Variants in ADAMTS12 observed in about 807,000 individuals in gnomAD.
The protein encoded by ADAMTS12 is ADAM metallopeptidase with thrombospondin type 1 motif 12.
A neutral mutation model predicts 167.8 loss-of-function variants in ADAMTS12; 118 were observed. That is an observed-to-expected ratio of 0.70 (90% confidence interval 0.61 to 0.82). ADAMTS12 has a LOEUF of 0.82. ADAMTS12 is among the 40% of genes least tolerant of loss of function. The pLI is 0.00. For missense variants in ADAMTS12, 1,916 were observed against 1,998.8 expected (o/e 0.96, Z 0.79); for synonymous variants, 704 against 716.9 (o/e 0.98, Z 0.29).
In ADAMTS12 at chr5:33,881,201, G is replaced by C. The variant is rs199953692; in HGVS notation, c.407C>G (p.Ala136Gly). The C allele has an allele frequency of 2.9e-5, 47 of 1,614,076 alleles. 2 individuals are homozygous for C. The Middle Eastern group carries it at 8.2e-4, about 28-fold the overall frequency. ...CGTGCCACTGAGATGGCAGAGGGGG[G>C]CAGAGGAAGCCATCATCTTAACATG... ...LSHVKMMASSAPLCHLSGTVL... is the reference protein window; with the variant it reads ...LSHVKMMASSGPLCHLSGTVL... The change falls in exon 2 of 24, where the codon GCC (alanine) becomes GGC (glycine). Residue 136 changes from alanine (A) to glycine (G), a missense_variant. Ala to Gly is a moderately conservative substitution (Grantham distance 60, BLOSUM62 0). Coordinates refer to ENST00000504830, the MANE Select transcript of ADAMTS12 (RefSeq NM_030955.4).
rs1483798359 is a variant in ADAMTS12, at chr5:33,681,948, AG to A, written c.915+1069del. Among the ~76,000 whole-genome samples, 5 of 152,364 alleles carry A rather than the reference AG, an allele frequency of 3.3e-5. No individual in the cohort carries two copies. In the East Asian group the frequency reaches 5.8e-4, roughly 18 times the overall value. On this transcript the variant is annotated intron_variant, in intron 5 of 23. Transcript: ENST00000504830. Reference sequence around the variant, plus strand: ...TAAAAAAAACCCAGAAAGACATTAAAGGGTTTTGTGCAGTGCAGCACTTCAG... The same window carrying A: ...TAAAAAAAACCCAGAAAGACATTAAAGGTTTTGTGCAGTGCAGCACTTCAG...
intron 20 of ADAMTS12, among the ~76,000 whole-genome samples, chr5:33,549,676 T>G (rs563858051): frequency 1.3e-5 from 2 of 152,356 alleles, no homozygotes; most frequent in African/African-American, 4.8e-5. Flanking sequence ...GGATCATAAC[T>G]GCTACCTCCC....
At chr5:33,679,249 C>A (rs1352579770) in intron 5 of ADAMTS12, among the ~76,000 whole-genome samples, 1 of 152,224 alleles carries the variant, frequency 6.6e-6, no homozygotes, top group Non-Finnish European at 1.5e-5. Context: ...AGCCATTGCC[C>A]ATGCAGGTCC....
chr5:33,701,937 T>G (rs1195271829), intron 3 of ADAMTS12, among the ~76,000 whole-genome samples: 1 of 152,254 alleles, frequency 6.6e-6, no homozygotes, highest in Non-Finnish European at 1.5e-5. Flanking sequence ...TTTTCCTTTT[T>G]CAAGTTTCCT....
chr5:33,542,105 G>A (rs113205970), intron 22 of ADAMTS12, among the ~76,000 whole-genome samples: 4,751 of 151,838 alleles, frequency 0.031, 272 homozygotes, highest in African/African-American at 0.11. Flanking sequence ...CTCACATGCA[G>A]AGAAACACAT....
chr5:33,720,284 T>TCACACA (rs3071626), intron 3 of ADAMTS12, among the ~76,000 whole-genome samples: 55,837 of 147,680 alleles, frequency 0.38, 11,887 homozygotes, highest in Non-Finnish European at 0.5. Flanking sequence ...TCTCTCTCAC[T>TCACACA]CACACACACA....
chr5:33,771,427 G>A (rs1009820570), intron 2 of ADAMTS12, among the ~76,000 whole-genome samples: 6 of 152,126 alleles, frequency 3.9e-5, no homozygotes, highest in African/African-American at 1.4e-4. Flanking sequence ...CAGCCTTGAT[G>A]ATCAAGTGAA....
At position 33,576,222 on chromosome 5, in the gene ADAMTS12, G is replaced by A. The variant is rs911174816; in HGVS notation, c.3804C>T (p.His1268=). The change falls in exon 19 of 24, where the codon CAC becomes CAT. Residue 1268 remains histidine (H), a synonymous_variant. Coordinates refer to ENST00000504830, the MANE Select transcript of ADAMTS12 (RefSeq NM_030955.4). ...GGTTCATGTTGTTTGGAAGTTTCAG[G>A]TGGTTACGGTTTGCCGTCTTTCCTG... ...EPSGKTANRN[H]LKLPNNMNQT... The A allele has an allele frequency of 1.2e-6, 2 of 1,614,220 alleles. No homozygotes were observed. Among genetic ancestry groups the A allele is most frequent in the Admixed American group, 1.7e-5 (1 of 60,026 alleles).
At chr5:33,678,262 C>T (rs916686115) in intron 5 of ADAMTS12, among the ~76,000 whole-genome samples, 1 of 152,160 alleles carries the variant, frequency 6.6e-6, no homozygotes, top group African/African-American at 2.4e-5. Flanking sequence ...TGCCATTGGC[C>T]CTGGTTCACT....
chr5:33,693,033 T>C (rs1418466942), intron 3 of ADAMTS12, among the ~76,000 whole-genome samples: 1 of 152,204 alleles, frequency 6.6e-6, no homozygotes, highest in Non-Finnish European at 1.5e-5. Flanking sequence ...TTATTAACAC[T>C]CTCTCCACTG....
In ADAMTS12 at chr5:33,630,893, A is replaced by C; in HGVS notation, c.1909T>G (p.Cys637Gly). 6.2e-7 allele frequency: 1 copy of C among 1,613,590 alleles called. No individual in the cohort carries two copies. ...GAAAACTGGCCATCTATGGGTCGGC[A>C]GTAGAGCTCACAAGGATGTGCTGAA... is the stretch of plus-strand genomic sequence containing the variant. ...FNPAHPCELY[C>G]RPIDGQFSEK... The change falls in exon 13 of 24, where the codon TGC becomes GGC. Residue 637 changes from cysteine (C) to glycine (G), a missense_variant. Transcript: ENST00000504830.
intron 22 of ADAMTS12, among the ~76,000 whole-genome samples, chr5:33,543,028 G>C (rs1028890665): frequency 6.6e-6 from 1 of 152,162 alleles, no homozygotes; most frequent in African/African-American, 2.4e-5. Context: ...CAGAACTGAA[G>C]GAGATAGAGA....
In ADAMTS12 at chr5:33,746,153, A is replaced by G. The variant is rs755366788; in HGVS notation, c.634+5251T>C. Among the ~76,000 whole-genome samples, 8 of 152,226 alleles carry G rather than the reference A, an allele frequency of 5.3e-5. No individual in the cohort carries two copies. In the South Asian group the frequency reaches 6.2e-4, roughly 12 times the overall value. On this transcript the variant is annotated intron_variant, in intron 3 of 23. Coordinates refer to ENST00000504830, the MANE Select transcript of ADAMTS12 (RefSeq NM_030955.4). ...TTCACAAGGCAATCAAGTAATCAAG[A>G]AATTCAAGACAAGACTCAGGCAGGT...
chr5:33,580,954 G>A (rs1195729839), intron 18 of ADAMTS12, among the ~76,000 whole-genome samples: 6 of 152,098 alleles, frequency 3.9e-5, no homozygotes, highest in Non-Finnish European at 2.9e-5. Flanking sequence ...AGCAGACATC[G>A]AATCTTCCAA....
chr5:33,626,464 GGTGGTGGTGATGTGGTA>G (rs1172904933), intron 13 of ADAMTS12, among the ~76,000 whole-genome samples: 2 of 151,152 alleles, frequency 1.3e-5, no homozygotes, highest in African/African-American at 4.9e-5. Flanking sequence ...TAATAATGGT[GGTGGTGGTGATGTGGTA>G]GTGGTGGTGG....
At chr5:33,784,770 T>C (rs772574662) in intron 2 of ADAMTS12, among the ~76,000 whole-genome samples, 18 of 152,094 alleles carry the variant, frequency 1.2e-4, no homozygotes, top group Admixed American at 2.6e-4. Flanking sequence ...AATTGATCTA[T>C]ATATTCTATA....
chr5:33,683,157 C>A (rs566083076), intron 4 of ADAMTS12, 56 bp from the exon 5 acceptor site: 3 of 1,344,922 alleles, frequency 2.2e-6, no homozygotes, highest in East Asian at 2.4e-5. Context: ...TAAATAAATA[C>A]CAGAGAAGAA....
At chr5:33,797,477 G>A (rs1042150883) in intron 2 of ADAMTS12, among the ~76,000 whole-genome samples, 1 of 133,652 alleles carries the variant, frequency 7.5e-6, no homozygotes, top group African/African-American at 2.6e-5. Flanking sequence ...AAACACAGGA[G>A]AAAGATTCTG....
intron 3 of ADAMTS12, among the ~76,000 whole-genome samples, chr5:33,693,623 C>T (rs1032221595): frequency 2.0e-5 from 3 of 152,142 alleles, no homozygotes; most frequent in Non-Finnish European, 1.5e-5. Flanking sequence ...GACATCCCTC[C>T]ATGATAAAAA....
Sources: allele counts gnomAD v4.1 joint callset (sites outside exome capture counted in the v4.1 genomes callset), GRCh38; gene constraint gnomAD v4.1.1; transcripts MANE v1.5; gene names NCBI Gene and HGNC (gene_info 2026-07-23, HGNC 2026-07-21).